The following LINGO2 variants were observed in gnomAD, a reference collection of about 807,000 sequenced individuals.
LINGO2 encodes leucine-rich repeat and immunoglobulin-like domain-containing nogo receptor-interacting protein 2.
Under a neutral mutation model 30.6 loss-of-function variants are expected in LINGO2, and 14 were observed. That is an observed-to-expected ratio of 0.46 (90% CI 0.30 to 0.72). LINGO2 has a LOEUF of 0.72. LINGO2 is among the 30% of genes least tolerant of loss of function. LINGO2 has a pLI of 0.07. For synonymous variants in LINGO2, 317 were observed against 288.5 expected (o/e 1.10, Z -1.00); for missense variants, 729 against 751.7 (o/e 0.97, Z 0.35).
chr9:28,184,528 G>A (rs1313338703), intron 4 of LINGO2, among the ~76,000 whole-genome samples: 1 of 151,416 alleles, frequency 6.6e-6, no homozygotes, highest in Non-Finnish European at 1.5e-5. Flanking sequence ...AATAAAGGAG[G>A]AAGGGAGAGA....
At chr9:28,419,215 G>A (rs1044540571) in intron 2 of LINGO2, among the ~76,000 whole-genome samples, 10 of 151,968 alleles carry the variant, frequency 6.6e-5, no homozygotes, top group African/African-American at 9.6e-5. Flanking sequence ...CATTTTTTCC[G>A]ATCAGCAAAT....
At chr9:29,045,424 T>C in the LINGO2 span, among the ~76,000 whole-genome samples, 32 of 152,242 alleles carry the variant, frequency 2.1e-4, 1 homozygote, top group East Asian at 6.2e-3. Flanking sequence ...TATTCCATCA[T>C]ATATTGATGA....
At position 28,574,402 on chromosome 9, in the gene LINGO2, A is replaced by T. The variant is rs150141099; in HGVS notation, c.-365+95798T>A. Among the ~76,000 whole-genome samples the T allele has an allele frequency of 2.1e-3, 327 of 152,290 alleles. 2 individuals carry two copies. Among genetic ancestry groups the T allele is most frequent in the African/African-American group, 7.6e-3 (317 of 41,572 alleles). On this transcript the variant is annotated intron_variant, in intron 1 of 5. Coordinates refer to ENST00000379992, the Ensembl canonical transcript of LINGO2. ...CTCAGCCATTTGTTTCCATACAGTCACTGTTTAGTGTGTCATTCCATCTTG... is the reference window on the plus strand; with the variant it reads ...CTCAGCCATTTGTTTCCATACAGTCTCTGTTTAGTGTGTCATTCCATCTTG...
chr9:28,781,856 T>C, the LINGO2 span, among the ~76,000 whole-genome samples: 12 of 152,214 alleles, frequency 7.9e-5, no homozygotes, highest in Non-Finnish European at 1.6e-4. Context: ...CCATTACTTA[T>C]TGGCAACATT....
chr9:28,764,566 A>T, the LINGO2 span, among the ~76,000 whole-genome samples: 1 of 151,992 alleles, frequency 6.6e-6, no homozygotes, highest in Admixed American at 6.6e-5. Context: ...GAAAAACCTG[A>T]AAGCTTTTCC....
At chr9:28,716,108 T>C in the LINGO2 span, among the ~76,000 whole-genome samples, 4 of 151,990 alleles carry the variant, frequency 2.6e-5, no homozygotes, top group South Asian at 6.2e-4. Context: ...CAAATGGATA[T>C]ACCATTCTCC....
chr9:28,739,778 T>G, the LINGO2 span, among the ~76,000 whole-genome samples: 1 of 151,804 alleles, frequency 6.6e-6, no homozygotes, highest in East Asian at 1.9e-4. Flanking sequence ...AATACTATAT[T>G]GGTTACTGTA....
intron 4 of LINGO2, among the ~76,000 whole-genome samples, chr9:28,184,820 A>G (rs552089997): frequency 1.3e-5 from 2 of 152,320 alleles, no homozygotes; most frequent in Admixed American, 6.5e-5. Flanking sequence ...ACCCCTATAC[A>G]TGGTACAAGA....
chr9:28,925,213 T>A, the LINGO2 span, among the ~76,000 whole-genome samples: 1 of 152,180 alleles, frequency 6.6e-6, no homozygotes, highest in Non-Finnish European at 1.5e-5. Flanking sequence ...CAGAGAAAAG[T>A]CTTGCCTTTG....
the LINGO2 span, among the ~76,000 whole-genome samples, chr9:28,943,006 C>T: frequency 8.5e-5 from 13 of 152,110 alleles, no homozygotes; most frequent in Non-Finnish European, 1.8e-4. Context: ...TGCATTAAAG[C>T]AGTGACAGAC....
chr9:28,881,217 G>A, the LINGO2 span, among the ~76,000 whole-genome samples: 8 of 152,024 alleles, frequency 5.3e-5, no homozygotes, highest in Admixed American at 1.3e-4. Context: ...CCCCTTCACC[G>A]GGTTCCAGCG....
the LINGO2 span, among the ~76,000 whole-genome samples, chr9:28,745,343 GTCAGC>G: frequency 6.6e-6 from 1 of 152,030 alleles, no homozygotes; most frequent in Admixed American, 6.5e-5. Flanking sequence ...TTGTTTGTAA[GTCAGC>G]TCTCATCTTG....
chr9:28,267,516 CTT>C (rs778271415), intron 4 of LINGO2, among the ~76,000 whole-genome samples: 3 of 151,962 alleles, frequency 2.0e-5, no homozygotes, highest in Non-Finnish European at 4.4e-5. Context: ...TTCATATTCA[CTT>C]TCCACCTCGT....
intron 4 of LINGO2, among the ~76,000 whole-genome samples, chr9:28,015,544 G>A (rs948019446): frequency 6.6e-6 from 1 of 151,958 alleles, no homozygotes; most frequent in African/African-American, 2.4e-5. Context: ...GACATTGTCT[G>A]GAAAAATGTC....
intron 4 of LINGO2, among the ~76,000 whole-genome samples, chr9:28,250,319 C>A (rs1822151047): frequency 6.6e-6 from 1 of 152,120 alleles, no homozygotes; most frequent in African/African-American, 2.4e-5. Flanking sequence ...ACAGTGTTTA[C>A]AAAAGAAACA....
At chr9:29,077,212 G>C in the LINGO2 span, among the ~76,000 whole-genome samples, 2 of 151,718 alleles carry the variant, frequency 1.3e-5, no homozygotes, top group Non-Finnish European at 2.9e-5. Flanking sequence ...TTGGCATTAA[G>C]GTTTCTTAGA....
At chr9:28,458,319 C>T (rs751935560) in intron 2 of LINGO2, among the ~76,000 whole-genome samples, 26 of 152,150 alleles carry the variant, frequency 1.7e-4, no homozygotes, top group Non-Finnish European at 2.6e-4. Context: ...TATTTTTATA[C>T]GTCCCAGGAC....
the LINGO2 span, among the ~76,000 whole-genome samples, chr9:29,002,267 T>A: frequency 6.6e-6 from 1 of 152,016 alleles, no homozygotes; most frequent in Non-Finnish European, 1.5e-5. Flanking sequence ...TGATTATATA[T>A]CCCAAGAAAT....
At chr9:28,284,021 T>G (rs1411573630) in intron 4 of LINGO2, among the ~76,000 whole-genome samples, 1 of 152,134 alleles carries the variant, frequency 6.6e-6, no homozygotes, top group Non-Finnish European at 1.5e-5. Context: ...GCCACTCAGT[T>G]CAAACCTCTT....
Sources: gnomAD v4.1 joint callset for allele counts (sites outside exome capture counted in the v4.1 genomes callset) on GRCh38, gnomAD v4.1.1 for gene constraint, MANE v1.5 for transcripts, NCBI Gene and HGNC (gene_info 2026-07-23, HGNC 2026-07-21) for gene names.